Variants in TMEM138 observed in about 807,000 individuals in gnomAD.
TMEM138 encodes the protein transmembrane protein 138.
Under a neutral mutation model 18.1 loss-of-function variants are expected in TMEM138, and 9 were observed. That is an observed-to-expected ratio of 0.50 (90% CI 0.30 to 0.87). The LOEUF (loss-of-function observed/expected upper bound fraction) is 0.87. TMEM138 is among the 40% of genes least tolerant of loss of function. The pLI is 0.06. For synonymous variants in TMEM138, 79 were observed against 74.8 expected (o/e 1.06, Z -0.29); for missense variants, 189 against 190.6 (o/e 0.99, Z 0.05).
In TMEM138 at chr11:61,368,898, G is replaced by A. The variant is rs1858260272; in HGVS notation, c.*189G>A. 1.7e-6 allele frequency: 1 copy of A among 595,858 alleles called. No individual in the cohort carries two copies. The highest frequency in any genetic ancestry group is 1.8e-5 in the African/African-American group (1 of 54,164). 36.9% of individuals were successfully genotyped at this position (595,858 alleles called of 1,614,324 possible). A position where few individuals can be genotyped will look rare whatever the true frequency, so the allele number is the denominator to read the frequency against. ...ATTAGAGTGTCCCCATCGGTCTCCA[G>A]TGCGGCATCCCTTCCTTGCCTTCTA... On this transcript the variant is annotated 3_prime_UTR_variant, in exon 5 of 5. Transcript: ENST00000278826.
chr11:61,368,358 T>C, intron 4 of TMEM138: 1 of 509,616 alleles, frequency 2.0e-6, no homozygotes, highest in Non-Finnish European at 3.6e-6. Flanking sequence ...CCGGAGTAGC[T>C]GGGACTACAG....
At chr11:61,367,788 C>G in intron 3 of TMEM138, 135 bp from the exon 4 acceptor site, 1 of 667,776 alleles carries the variant, frequency 1.5e-6, no homozygotes, top group Non-Finnish European at 2.7e-6. Flanking sequence ...CTTCGAGAAA[C>G]GCTCCTTGGG....
intron 2 of TMEM138, 52 bp from the exon 3 acceptor site, chr11:61,365,993 C>G: frequency 6.4e-7 from 1 of 1,571,566 alleles, no homozygotes; most frequent in Non-Finnish European, 8.6e-7. Flanking sequence ...AGTACCTGCT[C>G]TTGGGTCCTC....
intron 3 of TMEM138, 54 bp from the exon 4 acceptor site, chr11:61,367,869 G>A: frequency 2.6e-6 from 3 of 1,139,218 alleles, no homozygotes; most frequent in Non-Finnish European, 4.0e-6. Flanking sequence ...CCAAGTTGGA[G>A]ACATTAGGGC....
chr11:61,364,506 T>G lies in TMEM138; in HGVS notation c.116T>G (p.Leu39Arg), dbSNP rs779797109. The G allele has an allele frequency of 6.2e-7, 1 of 1,614,188 alleles. No homozygotes were observed. The highest frequency in any genetic ancestry group is 8.5e-7 in the Non-Finnish European group (1 of 1,180,024). Residue 39 changes from leucine to arginine, a missense_variant, in exon 2 of 5, where the codon CTT becomes CGT. By Grantham distance (102) the Leu-to-Arg change is moderately radical. Coordinates refer to ENST00000278826, the MANE Select transcript of TMEM138 (RefSeq NM_016464.5). The stretch of plus-strand genomic sequence containing the variant: ...CTCCAAAAGACTCCTGTCATCCAGC[T>G]TGTGCTCTTCATGTGCGTGCAGTAA... Reference protein sequence around the residue: ...ELLQKTPVIQLVLFIIQDIAV... With the variant: ...ELLQKTPVIQRVLFIIQDIAV...
At chr11:61,370,016 A>C (rs1289400956), downstream of TMEM138, among the ~76,000 whole-genome samples, 1 of 152,262 alleles carries the variant, frequency 6.6e-6, no homozygotes, top group Non-Finnish European at 1.5e-5. Context: ...TGAGGCTAAA[A>C]GAATTTGCCG....
At chr11:61,370,198 A>G (rs559505779), downstream of TMEM138, among the ~76,000 whole-genome samples, 1 of 152,144 alleles carries the variant, frequency 6.6e-6, no homozygotes, top group Non-Finnish European at 1.5e-5. Flanking sequence ...ACGTGAGGGT[A>G]GGGTGTGCAG....
At chr11:61,364,624 C>T (rs1227626285) in intron 2 of TMEM138, 106 bp downstream of exon 2, 10 of 1,480,494 alleles carry the variant, frequency 6.8e-6, no homozygotes, top group Middle Eastern at 1.8e-4. Flanking sequence ...TACGGTGGCT[C>T]ACACCCATAA....
At position 61,364,521 on chromosome 11, in the gene TMEM138, G is replaced by T. The variant is rs754691659; in HGVS notation, c.128+3G>T. 2.0e-5 allele frequency: 32 copies of T among 1,613,918 alleles called. No homozygotes were observed. In the Admixed American group the frequency reaches 5.0e-4, roughly 25 times the overall value. On this transcript the variant is annotated splice_donor_region_variant and intron_variant, in intron 2 of 4. Coordinates refer to ENST00000278826, the MANE Select transcript of TMEM138 (RefSeq NM_016464.5). The stretch of plus-strand genomic sequence containing the variant: ...GTCATCCAGCTTGTGCTCTTCATGT[G>T]CGTGCAGTAAGGCACTCTGGAAAGC...
intron 1 of TMEM138, 31 bp downstream of exon 1, chr11:61,362,451 T>G (rs1350683322): frequency 6.6e-6 from 1 of 152,282 alleles, no homozygotes; most frequent in Middle Eastern, 3.2e-3. Context: ...GTGGGTTAAG[T>G]GACCAGAAGT....
chr11:61,376,407 CCTGTT>C (rs1466746363), downstream of TMEM138, among the ~76,000 whole-genome samples: 8 of 152,124 alleles, frequency 5.3e-5, no homozygotes, highest in African/African-American at 1.9e-4. Flanking sequence ...CTATAGCACA[CCTGTT>C]GTTAGATTCT....
chr11:61,362,580 G>A (rs1267670835), intron 1 of TMEM138, 160 bp downstream of exon 1: 1 of 152,260 alleles, frequency 6.6e-6, no homozygotes, highest in Non-Finnish European at 1.5e-5. Flanking sequence ...GGTACAAAGG[G>A]AAGGCGGCAG....
chr11:61,370,821 T>C (rs1178074801), downstream of TMEM138, among the ~76,000 whole-genome samples: 2 of 151,876 alleles, frequency 1.3e-5, no homozygotes, highest in Non-Finnish European at 2.9e-5. Context: ...AACGGGAAAG[T>C]GTGGGTGGTT....
chr11:61,375,244 C>T (rs1858420180), downstream of TMEM138, among the ~76,000 whole-genome samples: 1 of 151,516 alleles, frequency 6.6e-6, no homozygotes, highest in Admixed American at 6.6e-5. Flanking sequence ...TGAGTATACT[C>T]CTATGAACAA....
chr11:61,365,517 A>C (rs1355937299), intron 2 of TMEM138, among the ~76,000 whole-genome samples: 3 of 152,034 alleles, frequency 2.0e-5, no homozygotes. Flanking sequence ...CTTGACCTCA[A>C]GTGATCTGCC....
downstream of TMEM138, among the ~76,000 whole-genome samples, chr11:61,376,436 G>A (rs766238044): frequency 3.9e-5 from 6 of 152,116 alleles, no homozygotes; most frequent in Non-Finnish European, 8.8e-5. Context: ...CTTGCCTAAT[G>A]TTTTTCAATT....
Position 61,368,393 on chromosome 11 carries a change from T to A in TMEM138, c.377-204T>A, listed in dbSNP as rs574821414. On this transcript the variant is annotated intron_variant, in intron 4 of 4. Transcript: ENST00000278826. ...GGCGCCCGCCACCACGCCCAGCTAA[T>A]TTTTTGTGTATTTTTAGTAGAGACA... 5.7e-6 allele frequency: 3 copies of A among 528,020 alleles called. No homozygotes were observed. In the African/African-American group the frequency reaches 5.7e-5, roughly 10 times the overall value. The allele number at this position is 528,020 out of a possible 1,614,324, so 32.7% of individuals were successfully genotyped here.
chr11:61,373,848 T>A (rs553772092), downstream of TMEM138, among the ~76,000 whole-genome samples: 33 of 151,914 alleles, frequency 2.2e-4, no homozygotes, highest in African/African-American at 7.0e-4. Context: ...TTTTATTTTT[T>A]TTTTTTTTAA....
intron 1 of TMEM138, 147 bp downstream of exon 1, chr11:61,362,567 C>A: frequency 6.6e-6 from 1 of 152,344 alleles, no homozygotes; most frequent in Non-Finnish European, 1.5e-5. Context: ...GAATACTGCC[C>A]TAGGTACAAA....
Sources: gnomAD v4.1 joint callset for allele counts (sites outside exome capture counted in the v4.1 genomes callset) on GRCh38, gnomAD v4.1.1 for gene constraint, MANE v1.5 for transcripts, NCBI Gene and HGNC (gene_info 2026-07-23, HGNC 2026-07-21) for gene names.